The following BRINP1 variants were observed in gnomAD, a reference collection of about 807,000 sequenced individuals.
The protein encoded by BRINP1 is BMP/retinoic acid inducible neural specific 1, also known as BMP/retinoic acid-inducible neural-specific protein 1.
In BRINP1, 17 loss-of-function variants were observed where a neutral mutation model predicts 72.9. The ratio of observed to expected loss-of-function variants is 0.23; its 90% CI spans 0.16 to 0.35. BRINP1 has a LOEUF of 0.35. BRINP1 is among the 10% of genes least tolerant of loss of function. The pLI is 1.00. For synonymous variants in BRINP1, 418 were observed against 378.5 expected (o/e 1.10, Z -1.21); for missense variants, 850 against 1,001.6 (o/e 0.85, Z 2.04).
intron 2 of BRINP1, among the ~76,000 whole-genome samples, chr9:119,286,790 C>T (rs902111377): frequency 6.6e-6 from 1 of 152,176 alleles, no homozygotes; most frequent in East Asian, 1.9e-4. Context: ...GGGGAACTCA[C>T]CAGACAGAGT....
intron 2 of BRINP1, among the ~76,000 whole-genome samples, chr9:119,265,773 G>T (rs145626072): frequency 1.1e-4 from 17 of 152,184 alleles, no homozygotes; most frequent in Admixed American, 8.5e-4. Flanking sequence ...GGGCAGGTTT[G>T]TTCATATAGG....
chr9:119,263,449 A>G (rs1248372308), intron 2 of BRINP1, among the ~76,000 whole-genome samples: 1 of 152,044 alleles, frequency 6.6e-6, no homozygotes, highest in Non-Finnish European at 1.5e-5. Context: ...TCTCCCAACT[A>G]GCTCAGCCTC....
chr9:119,286,974 C>T lies in BRINP1; in HGVS notation c.218+26164G>A, dbSNP rs140492978. Among the ~76,000 whole-genome samples, 13 of 151,692 alleles carry T rather than the reference C, an allele frequency of 8.6e-5. No homozygotes were observed. The East Asian group carries it at 2.3e-3, about 27-fold the overall frequency. ...GAATTGCACAACATGTGGTTGGCTG[C>T]GTTTGTATTTTCCAAATCACCAAAT... On this transcript the variant is annotated intron_variant, in intron 2 of 7. Transcript: ENST00000265922.
At chr9:119,337,994 G>A (rs191703221) in intron 1 of BRINP1, among the ~76,000 whole-genome samples, 6 of 152,276 alleles carry the variant, frequency 3.9e-5, no homozygotes, top group Admixed American at 3.9e-4. Flanking sequence ...TGCTGGGCAG[G>A]TAGCCTTGGG....
intron 1 of BRINP1, among the ~76,000 whole-genome samples, chr9:119,318,253 C>T (rs72761771): frequency 0.026 from 3,934 of 152,262 alleles, 75 homozygotes; most frequent in Non-Finnish European, 0.039. Context: ...CAACTGTAAA[C>T]CCATCTATAT....
intron 1 of BRINP1, among the ~76,000 whole-genome samples, chr9:119,341,068 A>T (rs896325234): frequency 6.6e-6 from 1 of 152,148 alleles, no homozygotes; most frequent in Non-Finnish European, 1.5e-5. Context: ...TCCATATCAC[A>T]GTCTAGACTC....
chr9:119,327,973 G>A (rs879865207), intron 1 of BRINP1, among the ~76,000 whole-genome samples: 18 of 152,170 alleles, frequency 1.2e-4, no homozygotes, highest in Non-Finnish European at 1.8e-4. Flanking sequence ...CTATGAACCA[G>A]TGGTGATTAG....
intron 7 of BRINP1, among the ~76,000 whole-genome samples, chr9:119,190,041 G>A (rs1414594452): frequency 6.6e-6 from 1 of 151,954 alleles, no homozygotes; most frequent in Non-Finnish European, 1.5e-5. Flanking sequence ...TCACAAGTAT[G>A]TGGAAATAAA....
At chr9:119,245,189 TCACA>T (rs1273328764) in intron 3 of BRINP1, among the ~76,000 whole-genome samples, 1 of 130,948 alleles carries the variant, frequency 7.6e-6, no homozygotes, top group Admixed American at 8.2e-5. Flanking sequence ...ATGTGCAAGC[TCACA>T]TACACACACA....
intron 2 of BRINP1, among the ~76,000 whole-genome samples, chr9:119,303,579 C>T (rs76736484): frequency 3.8e-3 from 572 of 152,244 alleles, no homozygotes; most frequent in South Asian, 8.1e-3. Flanking sequence ...AGAGACCTTG[C>T]CAGTATGGTG....
chr9:119,323,033 T>C (rs1453246633), intron 1 of BRINP1, among the ~76,000 whole-genome samples: 1 of 152,208 alleles, frequency 6.6e-6, no homozygotes, highest in Non-Finnish European at 1.5e-5. Flanking sequence ...TTGGGGATTC[T>C]TAACTTCTTA....
At chr9:119,263,810 G>A (rs1424989177) in intron 2 of BRINP1, among the ~76,000 whole-genome samples, 2 of 151,666 alleles carry the variant, frequency 1.3e-5, no homozygotes, top group African/African-American at 2.4e-5. Context: ...GGGTTTCACC[G>A]TGTTAGCCAG....
chr9:119,198,578 A>T (rs1052930580), intron 7 of BRINP1, among the ~76,000 whole-genome samples: 2 of 152,210 alleles, frequency 1.3e-5, no homozygotes, highest in Non-Finnish European at 2.9e-5. Flanking sequence ...ACCCAACAGA[A>T]ACATCCACTT....
intron 7 of BRINP1, among the ~76,000 whole-genome samples, chr9:119,183,498 G>A (rs1180385121): frequency 3.9e-5 from 6 of 152,226 alleles, no homozygotes; most frequent in Middle Eastern, 6.8e-3. Context: ...AAGAAGACAC[G>A]GGGGGCTGTA....
At chr9:119,361,132 T>C (rs1239340587) in intron 1 of BRINP1, among the ~76,000 whole-genome samples, 4 of 152,204 alleles carry the variant, frequency 2.6e-5, no homozygotes, top group Non-Finnish European at 4.4e-5. Context: ...GGGTAATTTA[T>C]GACTCTTCAC....
At chr9:119,350,902 C>CT (rs796162745) in intron 1 of BRINP1, among the ~76,000 whole-genome samples, 23,759 of 142,190 alleles carry the variant, frequency 0.17, 2,579 homozygotes, top group African/African-American at 0.33. Context: ...GTATTTATGT[C>CT]TTTTTTTTTT....
intron 2 of BRINP1, among the ~76,000 whole-genome samples, chr9:119,296,546 TG>T (rs1287840352): frequency 6.6e-6 from 1 of 152,172 alleles, no homozygotes; most frequent in Non-Finnish European, 1.5e-5. Context: ...ATTAGTATGT[TG>T]AAGAGCTATC....
Position 119,248,988 on chromosome 9 carries a change from G to C in BRINP1, c.381C>G (p.Thr127=). 6.2e-7 allele frequency: 1 copy of C among 1,613,790 alleles called. No homozygotes were observed. The highest frequency in any genetic ancestry group is 1.3e-5 in the African/African-American group (1 of 75,046). The part of the protein sequence containing the change: ...FIDTIIKKYG[T]HLLISATLGG... Reference sequence around the variant, plus strand: ...CCAATGTGGCTGAGATGAGCAGGTGGGTGCCGTACTTTTTGATGATGGTAT... The same window carrying C: ...CCAATGTGGCTGAGATGAGCAGGTGCGTGCCGTACTTTTTGATGATGGTAT... Residue 127 remains threonine (T), a synonymous_variant, in exon 3 of 8, where the codon ACC becomes ACG. Coordinates refer to ENST00000265922, the MANE Select transcript of BRINP1 (RefSeq NM_014618.3).
In BRINP1 at chr9:119,182,970, C is replaced by G. The variant is rs142172622; in HGVS notation, c.1146-14746G>C. ...AAACTGGCAATGATATATTACTCAGCAGGATGGCAAAATAAAATTAGAATA... is the reference window on the plus strand; with the variant it reads ...AAACTGGCAATGATATATTACTCAGGAGGATGGCAAAATAAAATTAGAATA... On this transcript the variant is annotated intron_variant, in intron 7 of 7. Transcript: ENST00000265922. Among the ~76,000 whole-genome samples the G allele has an allele frequency of 4.2e-3, 646 of 152,224 alleles. 7 individuals carry two copies. Among genetic ancestry groups the G allele is most frequent in the African/African-American group, 0.014 (599 of 41,532 alleles).
Sources: allele counts gnomAD v4.1 joint callset (sites outside exome capture counted in the v4.1 genomes callset), GRCh38; gene constraint gnomAD v4.1.1; transcripts MANE v1.5; gene names NCBI Gene and HGNC (gene_info 2026-07-23, HGNC 2026-07-21).